Variants in IL1RAP observed in about 807,000 individuals in gnomAD.
The protein encoded by IL1RAP is interleukin 1 receptor accessory protein.
Under a neutral mutation model 60.7 loss-of-function variants are expected in IL1RAP, and 35 were observed. The ratio of observed to expected loss-of-function variants is 0.58; its 90% CI spans 0.44 to 0.76. The LOEUF (loss-of-function observed/expected upper bound fraction) is 0.76. IL1RAP is among the 30% of genes least tolerant of loss of function. IL1RAP has a pLI of 0.00. For synonymous variants in IL1RAP, 268 were observed against 250.9 expected, an observed-to-expected ratio of 1.07 and a Z score of -0.64; for missense variants, 572 against 693.9, an observed-to-expected ratio of 0.82 and a Z score of 1.97.
At chr3:190,605,822 G>A (rs1203144184) in intron 4 of IL1RAP, among the ~76,000 whole-genome samples, 1 of 152,094 alleles carries the variant, frequency 6.6e-6, no homozygotes, top group Non-Finnish European at 1.5e-5. Flanking sequence ...GCTCAGTTAT[G>A]TCTTTAAATG....
rs73196390 is a variant in IL1RAP, at chr3:190,515,939, C to T, written c.-89+1720C>T. On this transcript the variant is annotated intron_variant, in intron 1 of 11. Coordinates refer to ENST00000447382, the MANE Select transcript of IL1RAP (RefSeq NM_002182.4). ...ACACGAACACACAGACATTCACATG[C>T]CCACACTAGTCTTCCTGTATTATTG... 8.9e-3 allele frequency among the ~76,000 whole-genome samples: 1,352 copies of T among 152,188 alleles called. 7 individuals are homozygous for T. The highest frequency in any genetic ancestry group is 0.011 in the Non-Finnish European group (739 of 68,008).
chr3:190,537,124 GAT>G (rs1366492021), intron 1 of IL1RAP, among the ~76,000 whole-genome samples: 3 of 152,116 alleles, frequency 2.0e-5, no homozygotes, highest in African/African-American at 7.2e-5. Flanking sequence ...GCGATAATGT[GAT>G]ATTTAAAGAT....
Position 190,623,365 on chromosome 3 carries a change from C to G in IL1RAP, c.725C>G (p.Pro242Arg). The part of the protein sequence containing the change: ...KVVGSPKNAV[P>R]PVIHSPNDHV... ...ACAGGCTCTCCAAAAAATGCAGTGC[C>G]CCCTGTGATCCATTCACCTAATGAT... The change falls in exon 7 of 12, where the codon CCC (proline) becomes CGC (arginine). Residue 242 changes from proline (P) to arginine (R), a missense_variant. Physicochemically the swap from Pro to Arg is moderately radical, Grantham distance 103. Transcript: ENST00000447382. 1 of 1,613,430 alleles carries G rather than the reference C, an allele frequency of 6.2e-7. No individual in the cohort carries two copies.
chr3:190,644,343 C>CTAGA lies in IL1RAP; in HGVS notation c.1148_1151dup (p.Glu384AspfsTer15). ...CATTGTTGTTTACCATGTTTACTGG[C>CTAGA]TAGAGATGGTCCTATTTTACCGGGC... is the stretch of plus-strand genomic sequence containing the variant. On this transcript the variant is annotated frameshift_variant, in exon 10 of 12. Coordinates refer to ENST00000447382, the MANE Select transcript of IL1RAP (RefSeq NM_002182.4). LOFTEE classifies it high-confidence loss of function. 1 of 1,613,936 alleles carries CTAGA rather than the reference C, an allele frequency of 6.2e-7. No individual in the cohort carries two copies. Among genetic ancestry groups the CTAGA allele is most frequent in the Non-Finnish European group, 8.5e-7 (1 of 1,179,914 alleles).
chr3:190,578,386 G>C (rs1182553672), intron 3 of IL1RAP, among the ~76,000 whole-genome samples: 1 of 152,138 alleles, frequency 6.6e-6, no homozygotes, highest in Admixed American at 6.5e-5. Flanking sequence ...CTTTGTTTCT[G>C]TCTGTAAATT....
intron 1 of IL1RAP, among the ~76,000 whole-genome samples, chr3:190,522,335 TTCCTTCCTCCCTCCC>T (rs1403096029): frequency 4.1e-5 from 6 of 146,000 alleles, no homozygotes; most frequent in African/African-American, 1.6e-4. Context: ...CCTTCCTTCC[TTCCTTCCTCCCTCCC>T]TCCCTTCGTT....
downstream of IL1RAP, among the ~76,000 whole-genome samples, chr3:190,653,298 A>G (rs1226714529): frequency 6.6e-6 from 1 of 152,218 alleles, no homozygotes; most frequent in African/African-American, 2.4e-5. Flanking sequence ...TGCAATGTGT[A>G]CTGTGTGCTA....
exon 12 of IL1RAP, chr3:190,658,757 A>G (rs1411453399): frequency 6.6e-6 from 1 of 152,210 alleles, no homozygotes; most frequent in East Asian, 1.9e-4. Flanking sequence ...AAATGTTCTC[A>G]GAAGATCCTT....
intron 1 of IL1RAP, chr3:190,518,890 G>T (rs1047096804): frequency 1.3e-5 from 2 of 152,192 alleles, no homozygotes; most frequent in African/African-American, 4.8e-5. Context: ...GATTTGGGTG[G>T]GGACACAGAG....
At chr3:190,542,326 C>G (rs144892315) in intron 1 of IL1RAP, among the ~76,000 whole-genome samples, 122 of 152,244 alleles carry the variant, frequency 8.0e-4, no homozygotes, top group African/African-American at 2.8e-3. Context: ...TAAAATGAAG[C>G]TTTGCTATTT....
Position 190,645,721 on chromosome 3 carries a change from T to C in IL1RAP, c.1224T>C (p.Tyr408=). 1.9e-6 allele frequency: 3 copies of C among 1,612,234 alleles called. No individual in the cohort carries two copies. Among genetic ancestry groups the C allele is most frequent in the South Asian group, 1.1e-5 (1 of 91,018 alleles). Residue 408 remains tyrosine, a synonymous_variant, in exon 11 of 12, where the codon TAT becomes TAC. Transcript: ENST00000447382. ...TILDGKEYDI[Y]VSYARNAEEE... ...TAGATGGAAAAGAGTATGATATTTA[T>C]GTATCCTATGCAAGGAATGCGGAAG... is the stretch of plus-strand genomic sequence containing the variant.
At position 190,637,569 on chromosome 3, in the gene IL1RAP, T is replaced by C. The variant is rs1195340608; in HGVS notation, c.1052-6679T>C. Among the ~76,000 whole-genome samples, 3 of 152,300 alleles carry C rather than the reference T, an allele frequency of 2.0e-5. No homozygotes were observed. In the East Asian group the frequency reaches 5.8e-4, roughly 29 times the overall value. On this transcript the variant is annotated intron_variant, in intron 9 of 11. Coordinates refer to ENST00000447382, the MANE Select transcript of IL1RAP (RefSeq NM_002182.4). ...CATCAGTAAACATTTAAGCTCCTTA[T>C]CATTATCAGTGTTTTAATATTTATT... is the stretch of plus-strand genomic sequence containing the variant.
intron 3 of IL1RAP, among the ~76,000 whole-genome samples, chr3:190,584,071 C>A (rs1728236732): frequency 6.6e-6 from 1 of 152,168 alleles, no homozygotes; most frequent in African/African-American, 2.4e-5. Flanking sequence ...CAGTCACTAG[C>A]AACCACTGAT....
intron 9 of IL1RAP, chr3:190,643,972 C>T (rs1449434588): frequency 9.4e-6 from 2 of 212,818 alleles, no homozygotes; most frequent in Non-Finnish European, 1.6e-5. Flanking sequence ...ACCTTCTAAG[C>T]CCTTCCTGAT....
exon 12 of IL1RAP, chr3:190,657,734 G>A (rs1427242036): frequency 6.6e-6 from 1 of 152,112 alleles, no homozygotes; most frequent in Non-Finnish European, 1.5e-5. Context: ...GGCCCTCTAA[G>A]CAACTGAAGA....
At chr3:190,567,868 A>G (rs1486114466) in intron 3 of IL1RAP, among the ~76,000 whole-genome samples, 1 of 152,152 alleles carries the variant, frequency 6.6e-6, no homozygotes, top group East Asian at 1.9e-4. Context: ...AAACTCGAAG[A>G]AGTTCTGTTT....
rs1560247414 is a variant in IL1RAP at position 190,650,448 on chromosome 3, A to G, written c.*1743A>G. On this transcript the variant is annotated 3_prime_UTR_variant, in exon 12 of 12. Coordinates refer to ENST00000447382, the MANE Select transcript of IL1RAP (RefSeq NM_002182.4). ...TAAGCTATGTTAACCTCAGTGCTCA[A>G]CTATTTGAACTGTTGAGTGATAAAG... The G allele has an allele frequency of 2.0e-6, 2 of 983,742 alleles. No homozygotes were observed. Among genetic ancestry groups the G allele is most frequent in the Non-Finnish European group, 2.4e-6 (2 of 828,426 alleles). 60.9% of individuals were successfully genotyped at this position (983,742 alleles called of 1,614,324 possible).
intron 1 of IL1RAP, among the ~76,000 whole-genome samples, chr3:190,525,628 T>C (rs1358967465): frequency 6.6e-6 from 1 of 152,168 alleles, no homozygotes; most frequent in Non-Finnish European, 1.5e-5. Flanking sequence ...TGTAGGCTGT[T>C]ATGAACAGAT....
chr3:190,579,319 C>G (rs1727782285), intron 3 of IL1RAP, among the ~76,000 whole-genome samples: 1 of 152,152 alleles, frequency 6.6e-6, no homozygotes, highest in South Asian at 2.1e-4. Context: ...ATTATATTCA[C>G]TAACCATTAC....
Sources: allele counts gnomAD v4.1 joint callset (sites outside exome capture counted in the v4.1 genomes callset), GRCh38; gene constraint gnomAD v4.1.1; transcripts MANE v1.5; gene names NCBI Gene and HGNC (gene_info 2026-07-23, HGNC 2026-07-21).